Variants in HNRNPF observed in about 807,000 individuals in gnomAD.
The protein encoded by HNRNPF is heterogeneous nuclear ribonucleoprotein F.
A neutral mutation model predicts 26.0 loss-of-function variants in HNRNPF; 2 were observed. That is an observed-to-expected ratio of 0.08 (90% CI 0.03 to 0.24). The LOEUF is 0.24. Ranked by LOEUF, HNRNPF falls within the 10% of genes least tolerant of loss-of-function variation. The probability of loss-of-function intolerance (pLI) is 1.00; values close to 1 mark genes in which losing one functional copy is unlikely to be tolerated. For synonymous variants in HNRNPF, 234 were observed against 211.5 expected (o/e 1.11, Z -0.92); for missense variants, 299 against 539.2 (o/e 0.55, Z 4.41).
intron 3 of HNRNPF, among the ~76,000 whole-genome samples, chr10:43,388,717 A>T (rs1255842621): frequency 6.6e-6 from 1 of 152,228 alleles, no homozygotes; most frequent in Non-Finnish European, 1.5e-5. Context: ...AAGAAAGGGC[A>T]ATCGCAAGAG....
At chr10:43,389,991 G>C (rs893034054) in intron 3 of HNRNPF, among the ~76,000 whole-genome samples, 1 of 152,152 alleles carries the variant, frequency 6.6e-6, no homozygotes, top group African/African-American at 2.4e-5. Context: ...ACTGTGCTTT[G>C]GGTCTGCAAC....
chr10:43,392,016 G>A (rs1838268851), intron 3 of HNRNPF, among the ~76,000 whole-genome samples: 2 of 152,040 alleles, frequency 1.3e-5, no homozygotes, highest in Non-Finnish European at 2.9e-5. Context: ...AGGTCAAGGA[G>A]GGTGGATAAC....
chr10:43,407,837 G>C (rs1238144622), intron 1 of HNRNPF: 1 of 152,230 alleles, frequency 6.6e-6, no homozygotes, highest in Non-Finnish European at 1.5e-5. Flanking sequence ...GAGGAGGGCG[G>C]AGCCAACTCC....
chr10:43,406,529 T>C (rs933952648), intron 1 of HNRNPF, among the ~76,000 whole-genome samples: 1 of 151,940 alleles, frequency 6.6e-6, no homozygotes, highest in African/African-American at 2.4e-5. Flanking sequence ...ACCCCATCTC[T>C]ACAAAAAATA....
rs764268659 is a variant in HNRNPF, at chr10:43,387,266, G to A, written c.619C>T (p.Pro207Ser). ...GTCCCGGGCCGGTCATAGGGCCCTG[G>A]CCGCTGCACGGACATGAACTTCAGA... is the stretch of plus-strand genomic sequence containing the variant. ...PPLKFMSVQR[P>S]GPYDRPGTAR... Residue 207 changes from proline to serine, a missense_variant, in exon 4 of 4, where the codon CCA becomes TCA. By Grantham distance (74) the Pro-to-Ser change is moderately conservative (BLOSUM62 -1). This residue lies in a region of HNRNPF where 15 missense variants were observed against 40.3 expected (regional missense o/e 0.37). Transcript: ENST00000682386. This position sits in a 1 kb window ranked among gnomAD's most constrained non-coding sequence, Gnocchi z 6.0. 6.2e-7 allele frequency: 1 copy of A among 1,614,220 alleles called. No homozygotes were observed. The highest frequency in any genetic ancestry group is 1.3e-5 in the African/African-American group (1 of 75,056).
At chr10:43,390,879 C>T (rs1213538801) in intron 3 of HNRNPF, among the ~76,000 whole-genome samples, 1 of 152,130 alleles carries the variant, frequency 6.6e-6, no homozygotes, top group African/African-American at 2.4e-5. Context: ...GGATGTTTAG[C>T]TGCATCCCTG....
At chr10:43,394,134 C>A (rs921052486) in intron 3 of HNRNPF, among the ~76,000 whole-genome samples, 1 of 152,166 alleles carries the variant, frequency 6.6e-6, no homozygotes, top group Non-Finnish European at 1.5e-5. Context: ...CAGACTTGAC[C>A]CAGCTGGTCC....
At chr10:43,390,590 A>T (rs892005796) in intron 3 of HNRNPF, among the ~76,000 whole-genome samples, 15 of 152,116 alleles carry the variant, frequency 9.9e-5, no homozygotes, top group African/African-American at 3.6e-4. Flanking sequence ...TTCTCTCCTC[A>T]TTCTTCATAA....
intron 1 of HNRNPF, among the ~76,000 whole-genome samples, chr10:43,398,409 T>C (rs548781989): frequency 2.7e-5 from 4 of 148,820 alleles, no homozygotes; most frequent in Admixed American, 2.7e-4. Context: ...TGGCACGATC[T>C]CGGCTCACTG....
chr10:43,392,574 A>C (rs61860889), intron 3 of HNRNPF, among the ~76,000 whole-genome samples: 3,072 of 152,288 alleles, frequency 0.02, 55 homozygotes, highest in Non-Finnish European at 0.031. Flanking sequence ...ATCCTACTAT[A>C]CAGATCTCCA....
intron 3 of HNRNPF, among the ~76,000 whole-genome samples, chr10:43,393,203 T>C (rs1266248774): frequency 6.6e-6 from 1 of 152,216 alleles, no homozygotes; most frequent in African/African-American, 2.4e-5. Flanking sequence ...AGTTATCAAA[T>C]TGTCATTTTC....
At chr10:43,396,915 G>T (rs1327032408) in intron 1 of HNRNPF, 1 of 147,448 alleles carries the variant, frequency 6.8e-6, no homozygotes, top group Admixed American at 6.7e-5. Flanking sequence ...GGAGGGGAGG[G>T]GAGGGGGCCC....
chr10:43,401,288 C>T (rs1485570987), intron 1 of HNRNPF, among the ~76,000 whole-genome samples: 2 of 152,128 alleles, frequency 1.3e-5, no homozygotes, highest in African/African-American at 2.4e-5. Context: ...CTTCCCTCAG[C>T]GTTCATTTCT....
intron 3 of HNRNPF, among the ~76,000 whole-genome samples, 167 bp downstream of exon 3, chr10:43,394,463 C>T (rs1838379596): frequency 1.3e-5 from 2 of 152,074 alleles, no homozygotes; most frequent in African/African-American, 2.4e-5. Flanking sequence ...CTCAGAAGTC[C>T]TAAGGCTTTT....
chr10:43,385,945 A>G lies in HNRNPF; in HGVS notation c.*692T>C, dbSNP rs1838007807. 1 of 152,680 alleles carries G rather than the reference A, an allele frequency of 6.5e-6. No individual in the cohort carries two copies. The highest frequency in any genetic ancestry group is 2.1e-4 in the South Asian group (1 of 4,832). 9.5% of individuals were successfully genotyped at this position (152,680 alleles called of 1,614,324 possible). On this transcript the variant is annotated 3_prime_UTR_variant, in exon 4 of 4. Transcript: ENST00000682386. ...TGTATGAAATTTTTAAATTCACACT[A>G]AAATACATTACGATTAAAATGAATT...
chr10:43,404,566 ACTAC>A (rs1564399633), intron 1 of HNRNPF, among the ~76,000 whole-genome samples: 1 of 151,798 alleles, frequency 6.6e-6, no homozygotes, highest in Non-Finnish European at 1.5e-5. Context: ...CTGAATCAAA[ACTAC>A]CTCCAGACTG....
chr10:43,405,957 TGG>T (rs1838904479), intron 1 of HNRNPF, among the ~76,000 whole-genome samples: 1 of 152,144 alleles, frequency 6.6e-6, no homozygotes, highest in African/African-American at 2.4e-5. Context: ...CGGTCCAACT[TGG>T]GACCCAGTTG....
intron 2 of HNRNPF, among the ~76,000 whole-genome samples, chr10:43,395,005 G>C (rs889756532): frequency 6.6e-6 from 1 of 152,114 alleles, no homozygotes; most frequent in African/African-American, 2.4e-5. Context: ...ATTTTTAGTA[G>C]AAATGGGATT....
At chr10:43,388,966 A>ATTTTT (rs141503011) in intron 3 of HNRNPF, among the ~76,000 whole-genome samples, 2 of 127,098 alleles carry the variant, frequency 1.6e-5, no homozygotes, top group Non-Finnish European at 1.6e-5. Context: ...AGTATATGGA[A>ATTTTT]TTTTTTTTTT....
Sources: allele counts gnomAD v4.1 joint callset (sites outside exome capture counted in the v4.1 genomes callset), GRCh38; gene constraint gnomAD v4.1.1; regional missense constraint gnomAD v4.1.1; non-coding constraint Gnocchi (gnomAD v3.1); transcripts MANE v1.5; gene names NCBI Gene and HGNC (gene_info 2026-07-23, HGNC 2026-07-21).